The following SNTG2 variants were observed in gnomAD, a reference collection of about 807,000 sequenced individuals.
SNTG2 encodes the protein gamma-2-syntrophin.
In SNTG2, 74 loss-of-function variants were observed where a neutral mutation model predicts 70.9. That is an observed-to-expected ratio of 1.04 (90% CI 0.86 to 1.27). SNTG2 has a LOEUF of 1.27. Among genes scored for constraint, SNTG2 ranks in the 50% most tolerant of loss-of-function variants. SNTG2 has a pLI of 0.00. For missense variants in SNTG2, 717 were observed against 690.7 expected, an observed-to-expected ratio of 1.04 and a Z score of -0.43; for synonymous variants, 278 against 273.8, an observed-to-expected ratio of 1.02 and a Z score of -0.15.
intron 1 of SNTG2, among the ~76,000 whole-genome samples, chr2:964,538 C>T (rs1660462108): frequency 1.3e-5 from 2 of 152,152 alleles, no homozygotes; most frequent in South Asian, 4.1e-4. Context: ...CCAGCATCAC[C>T]CCATGAGAAG....
At chr2:1,008,368 T>C (rs942942318) in intron 1 of SNTG2, among the ~76,000 whole-genome samples, 1 of 152,236 alleles carries the variant, frequency 6.6e-6, no homozygotes, top group Non-Finnish European at 1.5e-5. Context: ...CATTCTTGAC[T>C]ATTTTTAGTG....
intron 8 of SNTG2, among the ~76,000 whole-genome samples, chr2:1,201,977 C>T (rs1673302587): frequency 6.6e-6 from 1 of 151,784 alleles, no homozygotes; most frequent in Admixed American, 6.6e-5. Flanking sequence ...AGGAAGCAGC[C>T]AGATGATAAA....
In SNTG2 at chr2:1,308,482, A is replaced by G; in HGVS notation, c.1285-12A>G. 6.5e-7 allele frequency: 1 copy of G among 1,549,230 alleles called. No homozygotes were observed. On this transcript the variant is annotated splice_polypyrimidine_tract_variant and intron_variant, in intron 14 of 16. Transcript: ENST00000308624. ...TAAAGAATGTTTTCTCAAAATTGAT[A>G]CTTTTTTCTAGTCCAGAACATACAT...
chr2:1,196,830 A>T (rs1420212901), intron 8 of SNTG2, among the ~76,000 whole-genome samples: 1 of 152,182 alleles, frequency 6.6e-6, no homozygotes, highest in Non-Finnish European at 1.5e-5. Flanking sequence ...AGACAAGCAA[A>T]AACATAAAAT....
intron 1 of SNTG2, among the ~76,000 whole-genome samples, chr2:1,020,409 G>A (rs932790842): frequency 6.6e-6 from 1 of 152,206 alleles, no homozygotes. Flanking sequence ...CCATCAGCAG[G>A]CAGGCCACGG....
chr2:1,178,357 G>T (rs1671623333), intron 8 of SNTG2, among the ~76,000 whole-genome samples: 2 of 152,176 alleles, frequency 1.3e-5, no homozygotes, highest in Non-Finnish European at 2.9e-5. Context: ...GGAGTGGTGA[G>T]AGAGGACATC....
chr2:1,209,277 A>T (rs1673882141), intron 9 of SNTG2, 47 bp downstream of exon 9: 1 of 1,611,072 alleles, frequency 6.2e-7, no homozygotes, highest in African/African-American at 1.3e-5. Context: ...AACCCCGTGC[A>T]CTTTTGCCAG....
intron 4 of SNTG2, among the ~76,000 whole-genome samples, chr2:1,104,121 A>C (rs1396132641): frequency 6.6e-6 from 1 of 152,254 alleles, no homozygotes; most frequent in East Asian, 1.9e-4. Flanking sequence ...ACAGGGACAG[A>C]CATGCAAATG....
intron 14 of SNTG2, among the ~76,000 whole-genome samples, chr2:1,290,965 CA>C (rs1158766428): frequency 6.6e-6 from 1 of 152,186 alleles, no homozygotes; most frequent in Non-Finnish European, 1.5e-5. Context: ...CAATAGTACA[CA>C]AGGGTTCTAA....
At chr2:1,066,192 GA>G (rs903556798) in intron 1 of SNTG2, among the ~76,000 whole-genome samples, 2 of 152,174 alleles carry the variant, frequency 1.3e-5, no homozygotes, top group African/African-American at 2.4e-5. Context: ...CGAACTCTTA[GA>G]AAGCATTTTC....
At chr2:1,277,798 G>A (rs967799615) in intron 14 of SNTG2, among the ~76,000 whole-genome samples, 3 of 152,294 alleles carry the variant, frequency 2.0e-5, no homozygotes, top group Admixed American at 6.5e-5. Flanking sequence ...GCTATGCAGG[G>A]GAGGAGGGAA....
intron 15 of SNTG2, among the ~76,000 whole-genome samples, chr2:1,312,606 G>A (rs1405875807): frequency 6.6e-6 from 1 of 152,184 alleles, no homozygotes; most frequent in Non-Finnish European, 1.5e-5. Context: ...ACCACCGCAG[G>A]ATTCACTCGT....
intron 1 of SNTG2, among the ~76,000 whole-genome samples, chr2:963,709 G>T (rs1485325729): frequency 6.6e-6 from 1 of 152,022 alleles, no homozygotes; most frequent in Non-Finnish European, 1.5e-5. Context: ...CATACTAGGT[G>T]CCCAGTAAAA....
intron 15 of SNTG2, among the ~76,000 whole-genome samples, chr2:1,312,001 C>CA (rs1464280475): frequency 6.6e-6 from 1 of 152,042 alleles, no homozygotes; most frequent in East Asian, 1.9e-4. Context: ...TGTGTGTGGT[C>CA]AGATTTCTTG....
chr2:1,224,470 G>T (rs747138474), intron 9 of SNTG2, among the ~76,000 whole-genome samples: 47 of 152,120 alleles, frequency 3.1e-4, no homozygotes, highest in Non-Finnish European at 6.0e-4. Flanking sequence ...CTCCTCTGCT[G>T]CATGGCCACC....
chr2:1,089,629 C>G, intron 2 of SNTG2, among the ~76,000 whole-genome samples: 1 of 58,094 alleles, frequency 1.7e-5, no homozygotes, highest in Non-Finnish European at 4.2e-5. Flanking sequence ...AGCGAAACTC[C>G]GTCTCAAAAT....
chr2:1,272,621 GGTGTAGAAAGGACACCCCAGGGAAAAA>G (rs1553377256), intron 14 of SNTG2, among the ~76,000 whole-genome samples: 10 of 151,406 alleles, frequency 6.6e-5, no homozygotes, highest in African/African-American at 2.4e-4. Flanking sequence ...CCAGGGAACA[GGTGTAGAAAGGACACCCCAGGGAAAAA>G]GTGTAGAAAG....
chr2:1,228,919 G>A (rs1377136696), intron 9 of SNTG2, among the ~76,000 whole-genome samples: 1 of 152,164 alleles, frequency 6.6e-6, no homozygotes, highest in Non-Finnish European at 1.5e-5. Flanking sequence ...CAGGAGTGAA[G>A]CTGCAGACCT....
At chr2:1,215,814 T>C (rs1347479833) in intron 9 of SNTG2, among the ~76,000 whole-genome samples, 3 of 151,838 alleles carry the variant, frequency 2.0e-5, no homozygotes, top group Admixed American at 2.0e-4. Context: ...GTTTGGTTTT[T>C]TGTCCTTGTG....
Sources: allele counts gnomAD v4.1 joint callset (sites outside exome capture counted in the v4.1 genomes callset), GRCh38; gene constraint gnomAD v4.1.1; transcripts MANE v1.5; gene names NCBI Gene and HGNC (gene_info 2026-07-23, HGNC 2026-07-21).